PHF24: variants seen among roughly 807,000 people sequenced by gnomAD.
PHF24 encodes the protein PHD finger protein 24.
Under a neutral mutation model 42.6 loss-of-function variants are expected in PHF24, and 25 were observed. That is an observed-to-expected ratio of 0.59 (90% confidence interval 0.43 to 0.82). The LOEUF (loss-of-function observed/expected upper bound fraction) is 0.82. Among genes scored for constraint, PHF24 ranks in the 40% least tolerant of loss-of-function variants. The pLI, the probability that PHF24 is intolerant of heterozygous loss-of-function variation, is 0.00. For missense variants in PHF24, 470 were observed against 538.1 expected (o/e 0.87, Z 1.25); for synonymous variants, 185 against 204.8 (o/e 0.90, Z 0.83).
the PHF24 span, chr9:34,834,525 C>A: frequency 1.3e-6 from 2 of 1,551,438 alleles, no homozygotes; most frequent in Non-Finnish European, 1.7e-6. Flanking sequence ...ATGTGGAATT[C>A]CAGCAGCTTC....
chr9:34,730,304 A>G, the PHF24 span, among the ~76,000 whole-genome samples: 1 of 152,196 alleles, frequency 6.6e-6, no homozygotes, highest in Non-Finnish European at 1.5e-5. Context: ...CATTACTTCC[A>G]TAGCCAGACT....
chr9:34,892,292 G>A, the PHF24 span, among the ~76,000 whole-genome samples: 1 of 152,138 alleles, frequency 6.6e-6, no homozygotes. Context: ...GAAAGCTTAG[G>A]TGAACCAGCT....
the PHF24 span, chr9:34,727,065 C>G: frequency 6.7e-7 from 1 of 1,486,440 alleles, no homozygotes; most frequent in East Asian, 2.5e-5. Flanking sequence ...GGAGTGGGCA[C>G]TCTCCTTTCC....
chr9:34,922,526 A>G, the PHF24 span: 1 of 1,049,768 alleles, frequency 9.5e-7, no homozygotes, highest in Non-Finnish European at 1.5e-6. Flanking sequence ...CACCAGCGGC[A>G]ACCTCAGCCA....
chr9:34,879,116 C>G, the PHF24 span, among the ~76,000 whole-genome samples: 2 of 152,188 alleles, frequency 1.3e-5, no homozygotes, highest in Non-Finnish European at 2.9e-5. Context: ...GGACCTCCAG[C>G]AAACTCCAAC....
chr9:34,726,885 C>G, the PHF24 span: 1 of 1,551,808 alleles, frequency 6.4e-7, no homozygotes, highest in African/African-American at 1.4e-5. Flanking sequence ...TTCTCACCCA[C>G]CAGCAATTGC....
the PHF24 span, among the ~76,000 whole-genome samples, chr9:34,936,410 G>A: frequency 3.3e-5 from 5 of 152,304 alleles, no homozygotes; most frequent in South Asian, 2.1e-4. Context: ...GCGTGATCTC[G>A]GCTCGCTACA....
the PHF24 span, among the ~76,000 whole-genome samples, chr9:34,768,824 G>A: frequency 6.6e-6 from 1 of 151,918 alleles, no homozygotes; most frequent in East Asian, 1.9e-4. Context: ...TGTCACTATT[G>A]GAAAGTGGTA....
the PHF24 span, among the ~76,000 whole-genome samples, chr9:34,875,942 ACACACACACTCTCTCT>A: frequency 8.1e-5 from 7 of 86,886 alleles, no homozygotes; most frequent in African/African-American, 3.6e-4. Flanking sequence ...ACACACACAC[ACACACACACTCTCTCT>A]CTCTCTCTCT....
chr9:34,739,562 C>T, the PHF24 span, among the ~76,000 whole-genome samples: 6 of 151,926 alleles, frequency 3.9e-5, no homozygotes, highest in African/African-American at 7.3e-5. Context: ...CTTAAGGTGG[C>T]GCGTCTGGAG....
the PHF24 span, among the ~76,000 whole-genome samples, chr9:34,814,098 T>G: frequency 6.6e-6 from 1 of 152,204 alleles, no homozygotes; most frequent in Non-Finnish European, 1.5e-5. Context: ...TTTTCTTCCT[T>G]AATAAGGAAA....
the PHF24 span, among the ~76,000 whole-genome samples, chr9:34,873,410 G>C: frequency 1.3e-5 from 2 of 152,180 alleles, no homozygotes; most frequent in African/African-American, 4.8e-5. Flanking sequence ...TCCAGTTTCA[G>C]CTTTCTACAT....
chr9:34,682,781 A>C, the PHF24 span, among the ~76,000 whole-genome samples: 3 of 152,096 alleles, frequency 2.0e-5, no homozygotes, highest in African/African-American at 7.2e-5. Flanking sequence ...GTGAATAGGA[A>C]ACTAGTAGTG....
the PHF24 span, among the ~76,000 whole-genome samples, chr9:34,810,930 G>A: frequency 1.3e-5 from 2 of 152,156 alleles, no homozygotes; most frequent in African/African-American, 4.8e-5. Flanking sequence ...TGAGCCCCTG[G>A]GTTTGACCGT....
At chr9:34,918,372 C>T in the PHF24 span, 2 of 698,518 alleles carry the variant, frequency 2.9e-6, no homozygotes, top group South Asian at 1.5e-5. Context: ...TCCCAGTTGT[C>T]CCAATTGTAA....
intron 4 of PHF24, 59 bp from the exon 5 acceptor site, chr9:34,976,476 T>TGGAGGTGCCCTGAGGCTGAGGAA: frequency 1.3e-6 from 2 of 1,555,308 alleles, no homozygotes; most frequent in Non-Finnish European, 1.8e-6. Flanking sequence ...CTGGAGGTGA[T>TGGAGGTGCCCTGAGGCTGAGGAA]GGAGGTGCCC....
At chr9:34,837,376 C>CT in the PHF24 span, 12 of 396,340 alleles carry the variant, frequency 3.0e-5, no homozygotes, top group African/African-American at 1.6e-4. Context: ...GCAAACAAGA[C>CT]TGAGAGATGA....
At chr9:34,692,922 G>C in the PHF24 span, among the ~76,000 whole-genome samples, 1 of 151,890 alleles carries the variant, frequency 6.6e-6, no homozygotes, top group Non-Finnish European at 1.5e-5. Context: ...GAGTAGCTGG[G>C]ATTACAGGCA....
At chr9:34,810,894 G>A in the PHF24 span, among the ~76,000 whole-genome samples, 14 of 152,170 alleles carry the variant, frequency 9.2e-5, no homozygotes, top group Non-Finnish European at 1.6e-4. Context: ...GGACAAGTGA[G>A]GCCTCTAAAG....
Sources: gnomAD v4.1 joint callset for allele counts (sites outside exome capture counted in the v4.1 genomes callset) on GRCh38, gnomAD v4.1.1 for gene constraint, MANE v1.5 for transcripts, NCBI Gene and HGNC (gene_info 2026-07-23, HGNC 2026-07-21) for gene names.